CTNNA3: variants seen among roughly 807,000 people sequenced by gnomAD.
CTNNA3 encodes the protein catenin alpha-3.
Under a neutral mutation model 95.7 loss-of-function variants are expected in CTNNA3, and 76 were observed. The ratio of observed to expected loss-of-function variants is 0.79; its 90% CI spans 0.66 to 0.96. CTNNA3 has a LOEUF of 0.96. Ranked by LOEUF, CTNNA3 falls within the 40% of genes least tolerant of loss-of-function variation. CTNNA3 has a pLI of 0.00. For missense variants in CTNNA3, 1,191 were observed against 1,089.8 expected (o/e 1.09, Z -1.31); for synonymous variants, 431 against 374.4 (o/e 1.15, Z -1.74).
intron 7 of CTNNA3, among the ~76,000 whole-genome samples, chr10:66,851,003 C>T (rs1238144695): frequency 1.3e-5 from 2 of 151,994 alleles, no homozygotes; most frequent in Non-Finnish European, 2.9e-5. Flanking sequence ...TCATCATCAC[C>T]CTCTCTACCA....
At chr10:66,826,534 A>G (rs1443528628) in intron 7 of CTNNA3, among the ~76,000 whole-genome samples, 1 of 152,108 alleles carries the variant, frequency 6.6e-6, no homozygotes, top group East Asian at 1.9e-4. Context: ...ACATTTATTT[A>G]TTATAATTAC....
rs199950833 is a variant in CTNNA3 at position 66,597,552 on chromosome 10, A to T, written c.1374+24140T>A. Among the ~76,000 whole-genome samples the T allele has an allele frequency of 3.9e-3, 504 of 130,334 alleles. 1 individual carries two copies. Among genetic ancestry groups the T allele is most frequent in the East Asian group, 5.5e-3 (21 of 3,792 alleles). The allele number at this position is 130,334 out of a possible 152,430, so 85.5% of individuals were successfully genotyped here. ...TATATATATATATATATATATATAT[A>T]TATTTATTAAAAATTTTAAAAATAA... On this transcript the variant is annotated intron_variant, in intron 10 of 17. Coordinates refer to ENST00000433211, the MANE Select transcript of CTNNA3 (RefSeq NM_013266.4).
chr10:66,342,288 A>G (rs570545946), intron 12 of CTNNA3, among the ~76,000 whole-genome samples: 1 of 152,132 alleles, frequency 6.6e-6, no homozygotes, highest in South Asian at 2.1e-4. Context: ...TCAGAGCCCA[A>G]CAAAATGCCT....
intron 1 of CTNNA3, among the ~76,000 whole-genome samples, chr10:67,670,710 C>A (rs1564821398): frequency 6.6e-6 from 1 of 152,178 alleles, no homozygotes; most frequent in Non-Finnish European, 1.5e-5. Context: ...AACTGGTGGA[C>A]TAGTCTATGA....
chr10:67,360,346 C>A (rs950648558), intron 5 of CTNNA3, among the ~76,000 whole-genome samples: 2 of 149,854 alleles, frequency 1.3e-5, no homozygotes, highest in Admixed American at 6.7e-5. Context: ...ATCAAAACCT[C>A]ACATATCAAT....
chr10:66,778,105 A>G (rs1309970974), intron 7 of CTNNA3, among the ~76,000 whole-genome samples: 1 of 152,168 alleles, frequency 6.6e-6, no homozygotes, highest in Non-Finnish European at 1.5e-5. Context: ...AACAGTCCCT[A>G]TCATGACAGG....
chr10:65,925,253 CACTT>C (rs1480502343), intron 17 of CTNNA3, among the ~76,000 whole-genome samples: 1 of 151,002 alleles, frequency 6.6e-6, no homozygotes, highest in Non-Finnish European at 1.5e-5. Context: ...CAGATTACTT[CACTT>C]ACAACAAATA....
intron 12 of CTNNA3, among the ~76,000 whole-genome samples, chr10:66,331,925 T>A (rs1457987926): frequency 6.6e-6 from 1 of 152,102 alleles, no homozygotes; most frequent in Non-Finnish European, 1.5e-5. Flanking sequence ...TGATTCTTCC[T>A]ACCCATGAGC....
At chr10:67,588,396 G>T (rs1186692071) in intron 3 of CTNNA3, among the ~76,000 whole-genome samples, 1 of 151,946 alleles carries the variant, frequency 6.6e-6, no homozygotes, top group Admixed American at 6.6e-5. Flanking sequence ...GTATTGCTTG[G>T]GTGGGGCCCT....
At position 65,978,967 on chromosome 10, in the gene CTNNA3, A is replaced by G. The variant is rs147997092; in HGVS notation, c.2265+9725T>C. Among the ~76,000 whole-genome samples the G allele has an allele frequency of 3.4e-3, 518 of 152,312 alleles. 2 individuals are homozygous for G. Among genetic ancestry groups the G allele is most frequent in the African/African-American group, 0.012 (495 of 41,586 alleles). On this transcript the variant is annotated intron_variant, in intron 16 of 17. Coordinates refer to ENST00000433211, the MANE Select transcript of CTNNA3 (RefSeq NM_013266.4). ...GGAACTCTGTTATAATGTCAGTGGT[A>G]GAGGATAACATTGTCTCATATGGTA...
intron 1 of CTNNA3, among the ~76,000 whole-genome samples, chr10:67,672,456 T>A (rs1240641467): frequency 3.3e-5 from 5 of 152,152 alleles, no homozygotes; most frequent in Middle Eastern, 3.2e-3. Flanking sequence ...CTGAATGGTA[T>A]CGCCTAGGTT....
At chr10:66,949,855 A>C (rs564399081) in intron 7 of CTNNA3, among the ~76,000 whole-genome samples, 11 of 152,212 alleles carry the variant, frequency 7.2e-5, no homozygotes, top group Non-Finnish European at 1.5e-4. Flanking sequence ...TGCAGAGAGG[A>C]ATGGATACTG....
At chr10:66,579,027 T>A (rs1433536764) in intron 10 of CTNNA3, among the ~76,000 whole-genome samples, 3 of 151,474 alleles carry the variant, frequency 2.0e-5, no homozygotes, top group Admixed American at 2.0e-4. Flanking sequence ...GAACTGATTA[T>A]TGGTCTGTTC....
rs535419495 is a variant in CTNNA3, at chr10:66,110,113, A to C, written c.1885-6864T>G. On this transcript the variant is annotated intron_variant, in intron 13 of 17. Coordinates refer to ENST00000433211, the MANE Select transcript of CTNNA3 (RefSeq NM_013266.4). ...CAGTGGCTCATGCCTGTAATCCCAGAACTTTGGGAGGCAAAGGAGGGTGGA... is the reference window on the plus strand; with the variant it reads ...CAGTGGCTCATGCCTGTAATCCCAGCACTTTGGGAGGCAAAGGAGGGTGGA... Among the ~76,000 whole-genome samples the C allele has an allele frequency of 2.8e-4, 43 of 152,014 alleles. No homozygotes were observed. In the South Asian group the frequency reaches 7.7e-3, roughly 27 times the overall value.
intron 7 of CTNNA3, among the ~76,000 whole-genome samples, chr10:67,155,605 A>G (rs1321783705): frequency 6.6e-6 from 1 of 152,002 alleles, no homozygotes; most frequent in African/African-American, 2.4e-5. Context: ...ACATTGGGAT[A>G]TGTTGTTTAT....
In CTNNA3 at chr10:66,651,519, G is replaced by A. The variant is rs572415430; in HGVS notation, c.1282-29735C>T. On this transcript the variant is annotated intron_variant, in intron 9 of 17. Transcript: ENST00000433211. Reference sequence around the variant, plus strand: ...TGGGCGCCGCAGAGAAGGGGGCAGCGCCCATCGGGGAGGCTCGGGCCTTGC... The same window carrying A: ...TGGGCGCCGCAGAGAAGGGGGCAGCACCCATCGGGGAGGCTCGGGCCTTGC... Among the ~76,000 whole-genome samples, 43 of 151,992 alleles carry A rather than the reference G, an allele frequency of 2.8e-4. No homozygotes were observed. The South Asian group carries it at 7.5e-3, about 27-fold the overall frequency.
At chr10:66,883,809 A>T (rs535188893) in intron 7 of CTNNA3, among the ~76,000 whole-genome samples, 114 of 152,308 alleles carry the variant, frequency 7.5e-4, no homozygotes, top group African/African-American at 2.3e-3. Context: ...TGAGGTCAGA[A>T]GATGTGAGAG....
At chr10:65,922,793 A>G (rs1020707633) in intron 17 of CTNNA3, among the ~76,000 whole-genome samples, 4 of 152,136 alleles carry the variant, frequency 2.6e-5, no homozygotes, top group African/African-American at 9.7e-5. Context: ...TACTACAAAG[A>G]TACTACCCGA....
chr10:66,967,449 C>T (rs1190588842), intron 7 of CTNNA3, among the ~76,000 whole-genome samples: 2 of 151,476 alleles, frequency 1.3e-5, no homozygotes, highest in Non-Finnish European at 2.9e-5. Context: ...ATATGAATTA[C>T]AATTAATTAA....
Sources: gnomAD v4.1 joint callset for allele counts (sites outside exome capture counted in the v4.1 genomes callset) on GRCh38, gnomAD v4.1.1 for gene constraint, MANE v1.5 for transcripts, NCBI Gene and HGNC (gene_info 2026-07-23, HGNC 2026-07-21) for gene names.